Variants in STIMATE observed in about 807,000 individuals in gnomAD.
The protein encoded by STIMATE is STIM activating enhancer, also known as store-operated calcium entry regulator STIMATE.
Under a neutral mutation model 36.7 loss-of-function variants are expected in STIMATE, and 15 were observed. The observed-to-expected ratio is 0.41, with a 90% CI of 0.27 to 0.63. The LOEUF (loss-of-function observed/expected upper bound fraction) is 0.63. Among genes scored for constraint, STIMATE ranks in the 20% least tolerant of loss-of-function variants. The probability of loss-of-function intolerance (pLI) is 0.32; values close to 1 mark genes in which losing one functional copy is unlikely to be tolerated. For missense variants in STIMATE, 305 were observed against 397.3 expected, an observed-to-expected ratio of 0.77 and a Z score of 1.98; for synonymous variants, 163 against 162.3, an observed-to-expected ratio of 1.00 and a Z score of -0.03.
At chr3:52,848,304 A>AG (rs1320716831) in intron 4 of STIMATE, 1 of 152,314 alleles carries the variant, frequency 6.6e-6, no homozygotes, top group Non-Finnish European at 1.5e-5. Flanking sequence ...ACCCAGGGGC[A>AG]GGGGCTGAGG....
chr3:52,847,081 T>A (rs998444337), intron 4 of STIMATE: 509 of 327,044 alleles, frequency 1.6e-3, no homozygotes, highest in Middle Eastern at 4.7e-3. Context: ...TAAAAAAAAT[T>A]TTTTTTTTTG....
chr3:52,859,711 G>C (rs1701182337), intron 1 of STIMATE, among the ~76,000 whole-genome samples: 1 of 150,860 alleles, frequency 6.6e-6, no homozygotes, highest in South Asian at 2.1e-4. Flanking sequence ...AAAAATCCAA[G>C]GGCTACTTTT....
chr3:52,889,443 A>AATAAGG (rs1330855636), intron 1 of STIMATE, among the ~76,000 whole-genome samples: 1 of 152,206 alleles, frequency 6.6e-6, no homozygotes, highest in Non-Finnish European at 1.5e-5. Context: ...GCTAGTTAAC[A>AATAAGG]ATAAGGAGCG....
chr3:52,857,322 G>A (rs574177950), intron 1 of STIMATE, among the ~76,000 whole-genome samples: 7 of 152,306 alleles, frequency 4.6e-5, no homozygotes, highest in African/African-American at 1.7e-4. Context: ...CAGAGAATAT[G>A]GAGTTGAGGC....
At chr3:52,887,698 G>A (rs764740055) in intron 1 of STIMATE, among the ~76,000 whole-genome samples, 13 of 151,944 alleles carry the variant, frequency 8.6e-5, no homozygotes, top group African/African-American at 2.2e-4. Flanking sequence ...AACTTCATCC[G>A]TCACCACATC....
At chr3:52,841,023 T>C (rs891700833) in intron 7 of STIMATE, among the ~76,000 whole-genome samples, 2 of 152,162 alleles carry the variant, frequency 1.3e-5, no homozygotes, top group African/African-American at 4.8e-5. Flanking sequence ...AATGTTTCTT[T>C]ACAAGAGAGT....
intron 1 of STIMATE, among the ~76,000 whole-genome samples, chr3:52,892,392 T>A (rs1701797064): frequency 1.3e-5 from 2 of 152,304 alleles, no homozygotes; most frequent in East Asian, 3.9e-4. Flanking sequence ...TTAGAAAACC[T>A]GAAAACTTTC....
intron 1 of STIMATE, among the ~76,000 whole-genome samples, chr3:52,868,251 T>C (rs1328010864): frequency 6.6e-6 from 1 of 152,190 alleles, no homozygotes; most frequent in East Asian, 1.9e-4. Flanking sequence ...CATTCTTCCT[T>C]GCTAAGAGAA....
chr3:52,875,996 C>T (rs1335232993), intron 1 of STIMATE, among the ~76,000 whole-genome samples: 2 of 152,214 alleles, frequency 1.3e-5, no homozygotes, highest in Non-Finnish European at 2.9e-5. Context: ...CCCTGCTTTA[C>T]CATCAAAGAC....
chr3:52,843,288 G>A (rs922894219), intron 6 of STIMATE: 4 of 407,110 alleles, frequency 9.8e-6, no homozygotes, highest in African/African-American at 8.0e-5. Context: ...CTCCATGTGG[G>A]TGGCCGGCAC....
chr3:52,845,901 C>T (rs1700888252), intron 4 of STIMATE, among the ~76,000 whole-genome samples: 1 of 125,648 alleles, frequency 8.0e-6, no homozygotes, highest in African/African-American at 3.1e-5. Flanking sequence ...CCACAGCTGG[C>T]CAGAAGAGGG....
chr3:52,842,612 C>G (rs1192358009), intron 7 of STIMATE, among the ~76,000 whole-genome samples, 199 bp downstream of exon 7: 1 of 152,230 alleles, frequency 6.6e-6, no homozygotes, highest in Non-Finnish European at 1.5e-5. Flanking sequence ...TAGGCAGGCC[C>G]AAGGGACAGT....
intron 1 of STIMATE, among the ~76,000 whole-genome samples, chr3:52,884,986 T>C (rs2878762): frequency 0.27 from 40,380 of 152,098 alleles, 5,749 homozygotes; most frequent in Admixed American, 0.39. Flanking sequence ...TAAGAAACTT[T>C]CAAACAATTT....
At chr3:52,868,569 T>C (rs1346152046) in intron 1 of STIMATE, among the ~76,000 whole-genome samples, 1 of 152,236 alleles carries the variant, frequency 6.6e-6, no homozygotes, top group Non-Finnish European at 1.5e-5. Flanking sequence ...GCTGCCGTTA[T>C]GGCTGTCATG....
intron 5 of STIMATE, 61 bp from the exon 6 acceptor site, chr3:52,843,859 G>A: frequency 6.2e-7 from 1 of 1,604,500 alleles, no homozygotes; most frequent in Non-Finnish European, 8.5e-7. Flanking sequence ...GCCTGGGGTG[G>A]GTGGGTGGTA....
At chr3:52,895,954 T>C in intron 1 of STIMATE, 2 of 1,289,780 alleles carry the variant, frequency 1.6e-6, no homozygotes, top group Non-Finnish European at 2.0e-6. Context: ...CACAAATTAT[T>C]ACTGTGGGAA....
At chr3:52,881,765 G>A (rs1382136809) in intron 1 of STIMATE, among the ~76,000 whole-genome samples, 1 of 152,192 alleles carries the variant, frequency 6.6e-6, no homozygotes, top group Non-Finnish European at 1.5e-5. Context: ...CTGGGATTCC[G>A]ACAGCCCTGC....
At chr3:52,891,539 T>C (rs56322263) in intron 1 of STIMATE, among the ~76,000 whole-genome samples, 4 of 152,322 alleles carry the variant, frequency 2.6e-5, no homozygotes, top group African/African-American at 9.6e-5. Flanking sequence ...AGAGCCCACA[T>C]GAGGGCCCTG....
chr3:52,859,281 A>G (rs936925988), intron 1 of STIMATE, among the ~76,000 whole-genome samples: 8 of 150,976 alleles, frequency 5.3e-5, no homozygotes, highest in Non-Finnish European at 1.2e-4. Flanking sequence ...TAATATGCCT[A>G]CCATGATTCT....
Sources: allele counts gnomAD v4.1 joint callset (sites outside exome capture counted in the v4.1 genomes callset), GRCh38; gene constraint gnomAD v4.1.1; transcripts MANE v1.5; gene names NCBI Gene and HGNC (gene_info 2026-07-23, HGNC 2026-07-21).